The following SPIRE2 variants were observed in gnomAD, a reference collection of about 807,000 sequenced individuals.
SPIRE2 encodes spire type actin nucleation factor 2, also known as protein spire homolog 2.
In SPIRE2, 76 loss-of-function variants were observed where a neutral mutation model predicts 80.7. The ratio of observed to expected loss-of-function variants is 0.94; its 90% confidence interval spans 0.78 to 1.14. The LOEUF is 1.14. Among genes scored for constraint, SPIRE2 ranks in the 50% most tolerant of loss-of-function variants. The pLI, the probability that SPIRE2 is intolerant of heterozygous loss-of-function variation, is 0.00. For missense variants in SPIRE2, 1,196 were observed against 1,015.3 expected, an observed-to-expected ratio of 1.18 and a Z score of -2.42; for synonymous variants, 535 against 432.6, an observed-to-expected ratio of 1.24 and a Z score of -2.94.
At chr16:89,836,828 A>G (rs1050469077) in intron 1 of SPIRE2, among the ~76,000 whole-genome samples, 2 of 150,876 alleles carry the variant, frequency 1.3e-5, no homozygotes, top group African/African-American at 2.5e-5. Flanking sequence ...GAAAAAAAAA[A>G]AAAAGAAAAA....
Position 89,828,670 on chromosome 16 carries a change from G to A in SPIRE2, c.120G>A (p.Ala40=). The part of the protein sequence containing the change: ...AYEQPLNEEQ[A]WAVCFQGCRG... ...AGCAGCCGCTCAACGAGGAGCAGGC[G>A]TGGGCCGTGTGCTTCCAGGGCTGCC... Residue 40 remains alanine (A), a synonymous_variant, in exon 1 of 15, where the codon GCG becomes GCA. Transcript: ENST00000378247. The surrounding 1 kb of genome is among the most constrained non-coding windows in gnomAD (Gnocchi z 5.9). 7.4e-7 allele frequency: 1 copy of A among 1,347,034 alleles called. No individual in the cohort carries two copies. Among genetic ancestry groups the A allele is most frequent in the Non-Finnish European group, 9.6e-7 (1 of 1,041,444 alleles). The allele number at this position is 1,347,034 out of a possible 1,614,324, so 83.4% of individuals were successfully genotyped here.
At chr16:89,843,684 TG>T (rs1202094013) in intron 1 of SPIRE2, among the ~76,000 whole-genome samples, 354 of 22,840 alleles carry the variant, frequency 0.015, 5 homozygotes, top group Non-Finnish European at 0.02. Context: ...TTTTTTTGTT[TG>T]TTTTTGTTTT....
intron 1 of SPIRE2, among the ~76,000 whole-genome samples, chr16:89,839,675 CG>C (rs537591509): frequency 3.3e-4 from 50 of 152,102 alleles, no homozygotes; most frequent in Non-Finnish European, 6.5e-4. Context: ...CGGCCACGTG[CG>C]GGGGTTGGGC....
chr16:89,855,159 C>T (rs1317744808), intron 5 of SPIRE2, among the ~76,000 whole-genome samples: 3 of 152,128 alleles, frequency 2.0e-5, no homozygotes, highest in East Asian at 1.9e-4. Context: ...ACGATGGTCT[C>T]GATCTCCTGA....
chr16:89,834,496 C>T, intron 1 of SPIRE2, among the ~76,000 whole-genome samples: 1 of 100,636 alleles, frequency 9.9e-6, no homozygotes, highest in East Asian at 3.0e-4. Flanking sequence ...TCGCGGTTGG[C>T]CATCGTAGAA....
At position 89,828,883 on chromosome 16, in the gene SPIRE2, T is replaced by A; in HGVS notation, c.244+89T>A. ...GTGGGGGTGGTCCCGGCGGAGAGGC[T>A]GCGACCGGTTCTGGAGCGGGAGATC... is the stretch of plus-strand genomic sequence containing the variant. On this transcript the variant is annotated intron_variant, in intron 1 of 14. Coordinates refer to ENST00000378247, the MANE Select transcript of SPIRE2 (RefSeq NM_032451.2). This position sits in a 1 kb window ranked among gnomAD's most constrained non-coding sequence, Gnocchi z 5.9. The A allele has an allele frequency of 9.6e-7, 1 of 1,045,212 alleles. No individual in the cohort carries two copies. Among genetic ancestry groups the A allele is most frequent in the Non-Finnish European group, 1.2e-6 (1 of 841,240 alleles). 64.7% of individuals were successfully genotyped at this position (1,045,212 alleles called of 1,614,324 possible).
At position 89,863,580 on chromosome 16, in the gene SPIRE2, G is replaced by T; in HGVS notation, c.1680G>T (p.Lys560Asn). Residue 560 changes from lysine to asparagine, a missense_variant, in exon 11 of 15, where the codon AAG (lysine) becomes AAT (asparagine). Coordinates refer to ENST00000378247, the MANE Select transcript of SPIRE2 (RefSeq NM_032451.2). The surrounding 1 kb of genome is among the most constrained non-coding windows in gnomAD (Gnocchi z 4.3). ...KAEMEKFLQN[K>N]ELFSSLKKGK... ...AGATGGAAAAGTTTTTGCAGAACAAGGAGCTCTTCAGCAGTCTGAAGAAGG... is the reference window on the plus strand; with the variant it reads ...AGATGGAAAAGTTTTTGCAGAACAATGAGCTCTTCAGCAGTCTGAAGAAGG... 1 of 1,614,124 alleles carries T rather than the reference G, an allele frequency of 6.2e-7. No homozygotes were observed. Among genetic ancestry groups the T allele is most frequent in the South Asian group, 1.1e-5 (1 of 91,086 alleles).
chr16:89,836,197 T>A, intron 1 of SPIRE2: 1 of 455,772 alleles, frequency 2.2e-6, no homozygotes, highest in Non-Finnish European at 4.4e-6. Context: ...AAAACAAACA[T>A]AGGTTATTCT....
intron 1 of SPIRE2, among the ~76,000 whole-genome samples, chr16:89,835,218 T>A (rs2041436173): frequency 6.9e-6 from 1 of 144,062 alleles, no homozygotes; most frequent in African/African-American, 3.0e-5. Flanking sequence ...GCGCTCGCGG[T>A]TGGCCGTCTT....
At chr16:89,858,873 G>C (rs2041716832) in intron 8 of SPIRE2, among the ~76,000 whole-genome samples, 1 of 152,228 alleles carries the variant, frequency 6.6e-6, no homozygotes, top group African/African-American at 2.4e-5. Context: ...TGAATGGGAC[G>C]CTCCTCTCTT....
rs773095677 is a variant in SPIRE2 at position 89,863,491 on chromosome 16, G to A, written c.1591G>A (p.Val531Met). 1.9e-6 allele frequency: 3 copies of A among 1,613,934 alleles called. No homozygotes were observed. Among genetic ancestry groups the A allele is most frequent in the African/African-American group, 1.3e-5 (1 of 74,930 alleles). The stretch of plus-strand genomic sequence containing the variant: ...CGTCCCCTAGGAGTTCAGCCACCCC[G>A]TGGAGAGCCTGGCGCTGACTGTGGA... ...KHLWLEFSHP[V>M]ESLALTVEEV... The change falls in exon 11 of 15, where the codon GTG becomes ATG. Residue 531 changes from valine (V) to methionine (M), a missense_variant. By Grantham distance (21) the Val-to-Met change is conservative (BLOSUM62 1). Transcript: ENST00000378247. The surrounding 1 kb of genome is among the most constrained non-coding windows in gnomAD (Gnocchi z 4.3).
intron 12 of SPIRE2, among the ~76,000 whole-genome samples, chr16:89,865,046 G>A (rs1316534113): frequency 1.4e-5 from 2 of 141,544 alleles, no homozygotes; most frequent in East Asian, 2.1e-4. Context: ...TCGCTCTGGC[G>A]CCCAGGCTGG....
At chr16:89,830,941 G>A (rs1376377574) in intron 1 of SPIRE2, among the ~76,000 whole-genome samples, 9 of 133,786 alleles carry the variant, frequency 6.7e-5, no homozygotes, top group East Asian at 2.2e-4. Flanking sequence ...AGGGAGTCTC[G>A]CTCTGTTGCC....
chr16:89,858,464 A>G lies in SPIRE2; in HGVS notation c.1229A>G (p.Lys410Arg), dbSNP rs1359882333. 11 of 1,608,450 alleles carry G rather than the reference A, an allele frequency of 6.8e-6. No homozygotes were observed. In the Admixed American group the frequency reaches 1.5e-4, roughly 22 times the overall value. The change falls in exon 8 of 15, where the codon AAG (lysine) becomes AGG (arginine). Residue 410 changes from lysine (K) to arginine (R), a missense_variant. Coordinates refer to ENST00000378247, the MANE Select transcript of SPIRE2 (RefSeq NM_032451.2). ...CGCCCGCGGCCCCGCGTGCTGCTCA[A>G]GGCGCCTACCTTGGCTGAAATGGAA... ...AQRPRPRVLL[K>R]APTLAEMEEM...
At chr16:89,858,186 A>T in intron 7 of SPIRE2, 152 bp from the exon 8 acceptor site, 1 of 822,562 alleles carries the variant, frequency 1.2e-6, no homozygotes, top group Non-Finnish European at 1.9e-6. Flanking sequence ...CGCCCGGCCT[A>T]GTTCCTCATT....
chr16:89,829,858 T>G (rs1003014503), intron 1 of SPIRE2, among the ~76,000 whole-genome samples: 1 of 151,354 alleles, frequency 6.6e-6, no homozygotes, highest in Non-Finnish European at 1.5e-5. Flanking sequence ...AGCGTTCAGA[T>G]TCACTGTGGC....
rs761378489 is a variant in SPIRE2 at position 89,859,333 on chromosome 16, A to T, written c.1441A>T (p.Arg481Trp). 5.6e-5 allele frequency: 88 copies of T among 1,576,470 alleles called. No homozygotes were observed. Among genetic ancestry groups the T allele is most frequent in the Middle Eastern group, 3.4e-4 (2 of 5,908 alleles). ...CCGAGCTGGCAGTGCGCATGTGTGG[A>T]GGCCCGGCTCCCGAGACCAGGGCAA... ...RPRAGSAHVW[R>W]PGSRDQGTCP... is the part of the protein sequence containing the mutation. The change falls in exon 9 of 15, where the codon AGG (arginine) becomes TGG (tryptophan). Residue 481 changes from arginine to tryptophan, a missense_variant. Coordinates refer to ENST00000378247, the MANE Select transcript of SPIRE2 (RefSeq NM_032451.2).
chr16:89,848,165 C>T (rs1186961190), intron 2 of SPIRE2, among the ~76,000 whole-genome samples: 1 of 152,268 alleles, frequency 6.6e-6, no homozygotes, highest in Non-Finnish European at 1.5e-5. Flanking sequence ...ACACCCCGCC[C>T]TCTGTCACTG....
chr16:89,863,759 G>A lies in SPIRE2; in HGVS notation c.1711-35G>A, dbSNP rs375884485. On this transcript the variant is annotated intron_variant, in intron 11 of 14. Transcript: ENST00000378247. The surrounding 1 kb of genome is among the most constrained non-coding windows in gnomAD (Gnocchi z 4.3). ...CAGGGCGGGACCCCAGGGAGCTTTG[G>A]ACAAAGCGGGGCTCTAACCAGTCTC... 7 of 1,612,818 alleles carry A rather than the reference G, an allele frequency of 4.3e-6. No individual in the cohort carries two copies. Among genetic ancestry groups the A allele is most frequent in the Non-Finnish European group, 5.9e-6 (7 of 1,178,844 alleles).
Sources: allele counts gnomAD v4.1 joint callset (sites outside exome capture counted in the v4.1 genomes callset), GRCh38; gene constraint gnomAD v4.1.1; non-coding constraint Gnocchi (gnomAD v3.1); transcripts MANE v1.5; gene names NCBI Gene and HGNC (gene_info 2026-07-23, HGNC 2026-07-21).